PRDM6: variants seen among roughly 807,000 people sequenced by gnomAD.
PRDM6 encodes PR/SET domain 6, also known as putative histone-lysine N-methyltransferase PRDM6.
In PRDM6, 25 loss-of-function variants were observed where a neutral mutation model predicts 60.8. That is an observed-to-expected ratio of 0.41 (90% CI 0.30 to 0.57). The LOEUF (loss-of-function observed/expected upper bound fraction) is 0.57. Among genes scored for constraint, PRDM6 ranks in the 20% least tolerant of loss-of-function variants. PRDM6 has a pLI of 0.27. For synonymous variants in PRDM6, 407 were observed against 357.4 expected, an observed-to-expected ratio of 1.14 and a Z score of -1.57; for missense variants, 839 against 821.3, an observed-to-expected ratio of 1.02 and a Z score of -0.26.
rs374293817 is a variant in PRDM6, at chr5:123,111,551, G to T, written c.900+11590G>T. 2.0e-3 allele frequency among the ~76,000 whole-genome samples: 306 copies of T among 152,176 alleles called. 2 individuals are homozygous for T. In the Middle Eastern group the frequency reaches 0.02, roughly 10 times the overall value. On this transcript the variant is annotated intron_variant, in intron 3 of 7. Coordinates refer to ENST00000407847, the MANE Select transcript of PRDM6 (RefSeq NM_001136239.4). ...GTCTTTACTAAAAATACAAAAAATTGTCCGGGTGTGGTGACGGGCGCCTGT... is the reference window on the plus strand; with the variant it reads ...GTCTTTACTAAAAATACAAAAAATTTTCCGGGTGTGGTGACGGGCGCCTGT...
Position 123,171,002 on chromosome 5 carries a change from C to T in PRDM6, c.1390C>T (p.His464Tyr), listed in dbSNP as rs1765879374. The change falls in exon 6 of 8, where the codon CAC becomes TAC. Residue 464 changes from histidine to tyrosine, a missense_variant. Physicochemically the swap from His to Tyr is moderately conservative, Grantham distance 83 (BLOSUM62 2). This residue lies in a region of PRDM6 where 730 missense variants were observed against 648.8 expected (regional missense o/e 1.13). Transcript: ENST00000407847. ...AAGCCCAACTTCCACAAGCCAGCTC[C>T]ACTCGGAGTTCAGTGACTGGCATCT... ...LASPTSTSQL[H>Y]SEFSDWHLWK... The T allele has an allele frequency of 1.3e-6, 2 of 1,551,914 alleles. No individual in the cohort carries two copies. Among genetic ancestry groups the T allele is most frequent in the East Asian group, 2.4e-5 (1 of 40,916 alleles).
chr5:123,108,694 AT>A (rs1191038552), intron 3 of PRDM6, among the ~76,000 whole-genome samples: 1 of 152,154 alleles, frequency 6.6e-6, no homozygotes, highest in East Asian at 1.9e-4. Flanking sequence ...GCGGAAATTA[AT>A]TTTTATATTA....
intron 3 of PRDM6, among the ~76,000 whole-genome samples, chr5:123,113,659 A>G (rs1026486512): frequency 6.6e-6 from 1 of 152,024 alleles, no homozygotes; most frequent in Non-Finnish European, 1.5e-5. Context: ...GCCCCTTCTC[A>G]CTATCTGGCC....
chr5:123,102,431 C>T (rs115356894), intron 3 of PRDM6, among the ~76,000 whole-genome samples: 2,853 of 151,872 alleles, frequency 0.019, 88 homozygotes, highest in African/African-American at 0.063. Flanking sequence ...TTAGTTCTTT[C>T]TTTCAAAGCT....
chr5:123,100,895 C>G (rs1383359856), intron 3 of PRDM6, among the ~76,000 whole-genome samples: 1 of 152,186 alleles, frequency 6.6e-6, no homozygotes, highest in Non-Finnish European at 1.5e-5. Context: ...TTATGTAATA[C>G]AAGATGACAG....
intron 5 of PRDM6, among the ~76,000 whole-genome samples, chr5:123,164,098 G>C (rs1181818714): frequency 6.6e-6 from 1 of 152,164 alleles, no homozygotes; most frequent in Non-Finnish European, 1.5e-5. Context: ...GGCCCCAGGG[G>C]AAGCGTTGTG....
In PRDM6 at chr5:123,178,064, T is replaced by G. The variant is rs151293362; in HGVS notation, c.1497-2083T>G. 5.4e-3 allele frequency among the ~76,000 whole-genome samples: 819 copies of G among 152,300 alleles called. 8 individuals are homozygous for G. Among genetic ancestry groups the G allele is most frequent in the African/African-American group, 0.018 (768 of 41,574 alleles). Reference sequence around the variant, plus strand: ...ATTGGCGTTACTTTGATATAAGAATTCAACATAAGCCTCTCTGTGGTCATT... The same window carrying G: ...ATTGGCGTTACTTTGATATAAGAATGCAACATAAGCCTCTCTGTGGTCATT... On this transcript the variant is annotated intron_variant, in intron 6 of 7. Coordinates refer to ENST00000407847, the MANE Select transcript of PRDM6 (RefSeq NM_001136239.4).
At chr5:123,102,050 T>TACAGGATCC (rs1764115734) in intron 3 of PRDM6, among the ~76,000 whole-genome samples, 1 of 152,202 alleles carries the variant, frequency 6.6e-6, no homozygotes, top group East Asian at 1.9e-4. Context: ...TTGGATGATC[T>TACAGGATCC]ACAGGATCCA....
intron 3 of PRDM6, among the ~76,000 whole-genome samples, chr5:123,136,674 G>A (rs368508122): frequency 9.9e-5 from 15 of 152,230 alleles, no homozygotes; most frequent in Admixed American, 3.3e-4. Context: ...TTAATTTGCC[G>A]ATGGTGGTAG....
intron 6 of PRDM6, among the ~76,000 whole-genome samples, chr5:123,178,719 GAAGCCTGGT>G (rs1766072803): frequency 6.6e-6 from 1 of 152,216 alleles, no homozygotes; most frequent in South Asian, 2.1e-4. Context: ...TCAGTGTGCT[GAAGCCTGGT>G]AAAATAATAG....
chr5:123,111,590 C>T (rs335186), intron 3 of PRDM6, among the ~76,000 whole-genome samples: 3 of 151,698 alleles, frequency 2.0e-5, no homozygotes, highest in Non-Finnish European at 4.4e-5. Flanking sequence ...CCCAGCTACT[C>T]GGGAGCCTGA....
intron 3 of PRDM6, among the ~76,000 whole-genome samples, chr5:123,136,840 C>G (rs1764965090): frequency 8.4e-6 from 1 of 118,488 alleles, no homozygotes; most frequent in Non-Finnish European, 1.8e-5. Context: ...GCTCTCCTCA[C>G]TTCCCAGAGT....
At chr5:123,111,506 A>G (rs35911138) in intron 3 of PRDM6, among the ~76,000 whole-genome samples, 48,225 of 151,948 alleles carry the variant, frequency 0.32, 8,171 homozygotes, top group African/African-American at 0.38. Flanking sequence ...AGACCATCCT[A>G]GCTAACACGG....
intron 3 of PRDM6, among the ~76,000 whole-genome samples, chr5:123,130,412 C>G (rs1482076510): frequency 6.8e-6 from 1 of 147,648 alleles, no homozygotes; most frequent in African/African-American, 2.5e-5. Context: ...GCAGTTAGCC[C>G]TGAAAGGTTA....
chr5:123,142,692 G>C (rs1018805752), intron 3 of PRDM6, among the ~76,000 whole-genome samples: 1 of 151,938 alleles, frequency 6.6e-6, no homozygotes, highest in East Asian at 1.9e-4. Context: ...GAGCAGCCCA[G>C]TGTAATCTGG....
intron 3 of PRDM6, among the ~76,000 whole-genome samples, chr5:123,102,215 A>G (rs934408916): frequency 6.6e-6 from 1 of 152,230 alleles, no homozygotes; most frequent in East Asian, 1.9e-4. Flanking sequence ...AACTGGGGCC[A>G]GGTAACTTAG....
At chr5:123,094,538 A>T (rs181913019) in intron 2 of PRDM6, among the ~76,000 whole-genome samples, 1 of 151,848 alleles carries the variant, frequency 6.6e-6, no homozygotes, top group African/African-American at 2.4e-5. Flanking sequence ...GCGCCCTGAA[A>T]CCGAACATAC....
At position 123,121,990 on chromosome 5, in the gene PRDM6, C is replaced by T. The variant is rs192030380; in HGVS notation, c.900+22029C>T. Among the ~76,000 whole-genome samples, 325 of 151,118 alleles carry T rather than the reference C, an allele frequency of 2.2e-3. 2 individuals are homozygous for T. The highest frequency in any genetic ancestry group is 3.6e-3 in the Non-Finnish European group (243 of 67,722). On this transcript the variant is annotated intron_variant, in intron 3 of 7. Coordinates refer to ENST00000407847, the MANE Select transcript of PRDM6 (RefSeq NM_001136239.4). ...CAGCCTGGCCAACACAGGGAGACCCCGTCTCTACTAAAAATAGGAAACATT... is the reference window on the plus strand; with the variant it reads ...CAGCCTGGCCAACACAGGGAGACCCTGTCTCTACTAAAAATAGGAAACATT...
chr5:123,159,986 C>G (rs952097329), intron 5 of PRDM6, among the ~76,000 whole-genome samples: 6 of 152,218 alleles, frequency 3.9e-5, no homozygotes, highest in Non-Finnish European at 8.8e-5. Flanking sequence ...TAAGATTCAC[C>G]TTCTGCTCTG....
Sources: allele counts gnomAD v4.1 joint callset (sites outside exome capture counted in the v4.1 genomes callset), GRCh38; gene constraint gnomAD v4.1.1; regional missense constraint gnomAD v4.1.1; transcripts MANE v1.5; gene names NCBI Gene and HGNC (gene_info 2026-07-23, HGNC 2026-07-21).